KLHDC10: variants seen among roughly 807,000 people sequenced by gnomAD.
KLHDC10 encodes kelch domain containing 10, also known as kelch domain-containing protein 10.
KLHDC10 carries 24 observed loss-of-function variants against 56.1 expected under a neutral mutation model. The ratio of observed to expected loss-of-function variants is 0.43; its 90% CI spans 0.31 to 0.60. The LOEUF (loss-of-function observed/expected upper bound fraction) is 0.60, where lower values mean the gene tolerates loss of function less well. Ranked by LOEUF, KLHDC10 falls within the 20% of genes least tolerant of loss-of-function variation. The pLI, the probability that KLHDC10 is intolerant of heterozygous loss-of-function variation, is 0.11. For synonymous variants in KLHDC10, 188 were observed against 207.1 expected, an observed-to-expected ratio of 0.91 and a Z score of 0.79; for missense variants, 349 against 567.0, an observed-to-expected ratio of 0.62 and a Z score of 3.91.
rs1314883377 is a variant in KLHDC10, at chr7:130,097,001, T to C, written c.247T>C (p.Leu83=). ...CPIIRIPNRF[L]RGHRPPPARS... ...CATCATAAGGATCCCTAACAGGTTT[T>C]TGAGAGGTGGGTGATAATTAGCAAG... Residue 83 remains leucine (L), a synonymous_variant, in exon 2 of 10, where the codon TTG becomes CTG. Coordinates refer to ENST00000335420, the MANE Select transcript of KLHDC10 (RefSeq NM_014997.4). The C allele has an allele frequency of 1.9e-6, 3 of 1,600,872 alleles. No individual in the cohort carries two copies. The highest frequency in any genetic ancestry group is 2.6e-6 in the Non-Finnish European group (3 of 1,170,640).
chr7:130,112,168 T>C (rs1269626204), intron 2 of KLHDC10, among the ~76,000 whole-genome samples: 1 of 152,334 alleles, frequency 6.6e-6, no homozygotes, highest in Admixed American at 6.5e-5. Flanking sequence ...ACAATATTAT[T>C]TGTAGTAGTG....
At chr7:130,086,772 T>C (rs2116854873) in intron 1 of KLHDC10, among the ~76,000 whole-genome samples, 1 of 152,352 alleles carries the variant, frequency 6.6e-6, no homozygotes, top group Admixed American at 6.5e-5. Context: ...TGTTTCTGGT[T>C]TCTGTTATTT....
chr7:130,090,755 T>A (rs987226794), intron 1 of KLHDC10, among the ~76,000 whole-genome samples: 9 of 132,984 alleles, frequency 6.8e-5, no homozygotes, highest in African/African-American at 2.6e-4. Flanking sequence ...TTTCATCAGT[T>A]TTACACATAC....
At chr7:130,102,376 T>G (rs532891350) in intron 2 of KLHDC10, among the ~76,000 whole-genome samples, 1 of 152,248 alleles carries the variant, frequency 6.6e-6, no homozygotes, top group African/African-American at 2.4e-5. Context: ...CACCATACAT[T>G]TGAGGGAAAC....
At chr7:130,079,484 TA>T (rs1225068010) in intron 1 of KLHDC10, among the ~76,000 whole-genome samples, 46 of 152,146 alleles carry the variant, frequency 3.0e-4, no homozygotes, top group Non-Finnish European at 5.7e-4. Context: ...ATTATTGTGG[TA>T]GATTGTATTA....
chr7:130,109,473 GA>G (rs889410079), intron 2 of KLHDC10, among the ~76,000 whole-genome samples: 19 of 152,088 alleles, frequency 1.2e-4, no homozygotes, highest in African/African-American at 4.6e-4. Context: ...GTTTGCTCCT[GA>G]AAAACAGACA....
intron 1 of KLHDC10, among the ~76,000 whole-genome samples, chr7:130,087,876 T>A (rs906478744): frequency 6.6e-6 from 1 of 151,630 alleles, no homozygotes; most frequent in African/African-American, 2.4e-5. Flanking sequence ...TTCTCCTGCC[T>A]CAGCCTCCCG....
intron 1 of KLHDC10, among the ~76,000 whole-genome samples, chr7:130,079,157 A>G (rs1213528691): frequency 6.6e-6 from 1 of 151,676 alleles, no homozygotes; most frequent in Non-Finnish European, 1.5e-5. Flanking sequence ...TCCTGGGTTC[A>G]AGTGATTCTC....
intron 1 of KLHDC10, among the ~76,000 whole-genome samples, chr7:130,091,143 C>T (rs1563099061): frequency 6.6e-6 from 1 of 151,984 alleles, no homozygotes; most frequent in Non-Finnish European, 1.5e-5. Flanking sequence ...CTGTTAGGAA[C>T]GTTTGTGTAC....
chr7:130,119,230 G>A (rs537723393), intron 3 of KLHDC10, among the ~76,000 whole-genome samples: 26 of 151,500 alleles, frequency 1.7e-4, no homozygotes, highest in Non-Finnish European at 2.8e-4. Flanking sequence ...ATAAATAAAG[G>A]CTAGGTGTGG....
chr7:130,127,941 G>A (rs1796334634), intron 8 of KLHDC10, among the ~76,000 whole-genome samples: 1 of 152,222 alleles, frequency 6.6e-6, no homozygotes, highest in Non-Finnish European at 1.5e-5. Context: ...GAAAGCAGCT[G>A]CAGCTACTTT....
chr7:130,122,410 A>G (rs928341389), intron 5 of KLHDC10, among the ~76,000 whole-genome samples: 1 of 152,150 alleles, frequency 6.6e-6, no homozygotes, highest in Non-Finnish European at 1.5e-5. Context: ...TAAACTACAG[A>G]ATTTTTTTCC....
chr7:130,119,967 G>A (rs767211048), intron 3 of KLHDC10, among the ~76,000 whole-genome samples: 14 of 152,226 alleles, frequency 9.2e-5, no homozygotes, highest in Non-Finnish European at 1.9e-4. Flanking sequence ...GTTTGTGTGT[G>A]TGGTGGCAGG....
intron 1 of KLHDC10, among the ~76,000 whole-genome samples, chr7:130,096,013 G>A (rs1795843328): frequency 6.6e-6 from 1 of 152,142 alleles, no homozygotes; most frequent in Admixed American, 6.6e-5. Context: ...TGAAGAGCAG[G>A]AATCATGTCC....
intron 1 of KLHDC10, 145 bp from the exon 2 acceptor site, chr7:130,096,776 G>T: frequency 1.9e-6 from 1 of 515,316 alleles, no homozygotes; most frequent in South Asian, 4.2e-5. Context: ...TCCAAAACAG[G>T]GTTAAATGCT....
At chr7:130,099,502 A>G (rs1015021291) in intron 2 of KLHDC10, among the ~76,000 whole-genome samples, 3 of 152,222 alleles carry the variant, frequency 2.0e-5, no homozygotes, top group African/African-American at 7.2e-5. Context: ...GGAGGGTGAC[A>G]GAGGAGTGGC....
intron 2 of KLHDC10, among the ~76,000 whole-genome samples, chr7:130,102,127 T>G (rs542666719): frequency 3.3e-5 from 5 of 152,158 alleles, no homozygotes; most frequent in Non-Finnish European, 7.3e-5. Flanking sequence ...AGGACAATAC[T>G]GTCAAAATAC....
chr7:130,108,580 C>T (rs977607082), intron 2 of KLHDC10, among the ~76,000 whole-genome samples: 3 of 135,310 alleles, frequency 2.2e-5, no homozygotes, highest in Non-Finnish European at 4.6e-5. Flanking sequence ...AAAAGCTGGG[C>T]GTGGTGGTGC....
At position 130,130,364 on chromosome 7, in the gene KLHDC10, T is replaced by G. The variant is rs13224347; in HGVS notation, c.1120-173T>G. ...TATATATATATATATAGTTTTTCCC[T>G]TAGTAATTCATTAATTATTTAAACC... On this transcript the variant is annotated intron_variant, in intron 9 of 9. Coordinates refer to ENST00000335420, the MANE Select transcript of KLHDC10 (RefSeq NM_014997.4). This position sits in a 1 kb window ranked among gnomAD's most constrained non-coding sequence, Gnocchi z 4.2. Among the ~76,000 whole-genome samples the G allele has an allele frequency of 1.4e-5, 2 of 146,482 alleles. No homozygotes were observed. The highest frequency in any genetic ancestry group is 3.0e-5 in the Non-Finnish European group (2 of 67,748).
Sources: allele counts gnomAD v4.1 joint callset (sites outside exome capture counted in the v4.1 genomes callset), GRCh38; gene constraint gnomAD v4.1.1; non-coding constraint Gnocchi (gnomAD v3.1); transcripts MANE v1.5; gene names NCBI Gene and HGNC (gene_info 2026-07-23, HGNC 2026-07-21).